Variants in PCDHGA9 observed in about 807,000 individuals in gnomAD.
The protein encoded by PCDHGA9 is protocadherin gamma-A9.
A neutral mutation model predicts 62.5 loss-of-function variants in PCDHGA9; 37 were observed. The ratio of observed to expected loss-of-function variants is 0.59; its 90% CI spans 0.46 to 0.78. The LOEUF (loss-of-function observed/expected upper bound fraction) is 0.78, where lower values mean the gene tolerates loss of function less well. Among genes scored for constraint, PCDHGA9 ranks in the 30% least tolerant of loss-of-function variants. The pLI is 0.00. For missense variants in PCDHGA9, 1,138 were observed against 1,166.2 expected, an observed-to-expected ratio of 0.98 and a Z score of 0.35; for synonymous variants, 459 against 484.6, an observed-to-expected ratio of 0.95 and a Z score of 0.69.
intron 2 of PCDHGA9, among the ~76,000 whole-genome samples, chr5:141,504,579 G>T (rs994771989): frequency 2.0e-5 from 3 of 149,174 alleles, no homozygotes; most frequent in Non-Finnish European, 4.4e-5. Context: ...AACACCATCT[G>T]CCCAGGATTC....
At chr5:141,492,189 G>A (rs2099737936) in intron 1 of PCDHGA9, among the ~76,000 whole-genome samples, 1 of 152,204 alleles carries the variant, frequency 6.6e-6, no homozygotes, top group East Asian at 1.9e-4. Flanking sequence ...GCACCTGTCT[G>A]CGGGACTTAG....
rs201409669 is a variant in PCDHGA9 at position 141,490,703 on chromosome 5, G to A, written c.2425-4104G>A. The stretch of plus-strand genomic sequence containing the variant: ...GATCCAGACACTGGGGATAATGCCC[G>A]CCTCACCTACTCCATTGTAGGAAAT... On this transcript the variant is annotated intron_variant, in intron 1 of 3. Coordinates refer to ENST00000573521, the MANE Select transcript of PCDHGA9 (RefSeq NM_018921.3). This position sits in a 1 kb window ranked among gnomAD's most constrained non-coding sequence, Gnocchi z 5.4. 2.6e-4 allele frequency: 421 copies of A among 1,614,106 alleles called. No homozygotes were observed. Among genetic ancestry groups the A allele is most frequent in the Middle Eastern group, 6.6e-4 (4 of 6,062 alleles).
In PCDHGA9 at chr5:141,403,083, T is replaced by A. The variant is rs775664314; in HGVS notation, c.131T>A (p.Ile44Asn). 2 of 1,613,932 alleles carry A rather than the reference T, an allele frequency of 1.2e-6. No individual in the cohort carries two copies. Among genetic ancestry groups the A allele is most frequent in the East Asian group, 4.5e-5 (2 of 44,884 alleles). Residue 44 changes from isoleucine (I) to asparagine (N), a missense_variant, in exon 1 of 4, where the codon ATT becomes AAT. Ile to Asn is a moderately radical substitution (Grantham distance 149). Coordinates refer to ENST00000573521, the MANE Select transcript of PCDHGA9 (RefSeq NM_018921.3). ...CCTGAAGAGACAGAAAAGGGCTATA[T>A]TGTGGGCAACATCTCCAAGGACCTG... ...SVPEETEKGYIVGNISKDLAL... is the reference protein window; with the variant it reads ...SVPEETEKGYNVGNISKDLAL...
rs775654786 is a variant in PCDHGA9 at position 141,491,718 on chromosome 5, G to A, written c.2425-3089G>A. Reference sequence around the variant, plus strand: ...GGAGCCAGGTGAGGGGCTCGGCGCCGCCCCGGGCGACCCCTGGGGGCGGCA... The same window carrying A: ...GGAGCCAGGTGAGGGGCTCGGCGCCACCCCGGGCGACCCCTGGGGGCGGCA... On this transcript the variant is annotated intron_variant, in intron 1 of 3. Coordinates refer to ENST00000573521, the MANE Select transcript of PCDHGA9 (RefSeq NM_018921.3). This position sits in a 1 kb window ranked among gnomAD's most constrained non-coding sequence, Gnocchi z 6.9. 1 of 1,607,600 alleles carries A rather than the reference G, an allele frequency of 6.2e-7. No homozygotes were observed. The highest frequency in any genetic ancestry group is 2.2e-5 in the East Asian group (1 of 44,690).
Position 141,420,177 on chromosome 5 carries a change from A to G in PCDHGA9, c.2424+14801A>G, listed in dbSNP as rs1188698450. The G allele has an allele frequency of 2.5e-6, 4 of 1,613,992 alleles. No homozygotes were observed. Among genetic ancestry groups the G allele is most frequent in the South Asian group, 2.2e-5 (2 of 91,086 alleles). ...TTTAATTTTTTCACATCTGTTGATC[A>G]TTGTCCAGCCACACAAGATAACCTC... On this transcript the variant is annotated intron_variant, in intron 1 of 3. Coordinates refer to ENST00000573521, the MANE Select transcript of PCDHGA9 (RefSeq NM_018921.3).
intron 1 of PCDHGA9, chr5:141,433,145 G>C (rs2097571427): frequency 6.2e-7 from 1 of 1,613,922 alleles, no homozygotes; most frequent in Non-Finnish European, 8.5e-7. Flanking sequence ...GCTGTCAGGT[G>C]ATTCGGTATT....
In PCDHGA9 at chr5:141,487,406, C is replaced by T; in HGVS notation, c.2425-7401C>T. The T allele has an allele frequency of 6.2e-7, 1 of 1,614,200 alleles. No individual in the cohort carries two copies. The highest frequency in any genetic ancestry group is 8.5e-7 in the Non-Finnish European group (1 of 1,180,044). ...ATCTCGAAGGAGGGAGGGGCTTCCC[C>T]CTTCCAATGGGATCCTCCGAATCCA... On this transcript the variant is annotated intron_variant, in intron 1 of 3. Coordinates refer to ENST00000573521, the MANE Select transcript of PCDHGA9 (RefSeq NM_018921.3). The surrounding 1 kb of genome is among the most constrained non-coding windows in gnomAD (Gnocchi z 5.0).
At position 141,477,166 on chromosome 5, in the gene PCDHGA9, G is replaced by A. The variant is rs753389305; in HGVS notation, c.2425-17641G>A. ...TTGTGGATGTGAATGACAACGCCCC[G>A]GAGATCACAGTCACCTCCGTGTACA... On this transcript the variant is annotated intron_variant, in intron 1 of 3. Transcript: ENST00000573521. This position sits in a 1 kb window ranked among gnomAD's most constrained non-coding sequence, Gnocchi z 4.9. 5.9e-5 allele frequency: 96 copies of A among 1,614,012 alleles called. 1 individual carries two copies. Among genetic ancestry groups the A allele is most frequent in the Non-Finnish European group, 7.9e-5 (93 of 1,180,030 alleles).
intron 1 of PCDHGA9, chr5:141,410,361 G>A: frequency 1.9e-6 from 3 of 1,614,034 alleles, no homozygotes; most frequent in Non-Finnish European, 2.5e-6. Context: ...CGCTCTCTCA[G>A]CCCTGCTACT....
In PCDHGA9 at chr5:141,413,886, C is replaced by T. The variant is rs916273509; in HGVS notation, c.2424+8510C>T. The T allele has an allele frequency of 8.7e-6, 14 of 1,613,202 alleles. No homozygotes were observed. The African/African-American group carries it at 1.7e-4, about 20-fold the overall frequency. On this transcript the variant is annotated intron_variant, in intron 1 of 3. Transcript: ENST00000573521. ...CTGTCCTTGTCAGTGTGACTGTCTT[C>T]GATGCAAATGACAACGCGCCGGTCT...
intron 1 of PCDHGA9, chr5:141,423,601 C>A (rs372165060): frequency 1.9e-6 from 3 of 1,612,704 alleles, no homozygotes; most frequent in Non-Finnish European, 2.5e-6. Flanking sequence ...AAGCGAGCCA[C>A]TCTTGATAGC....
At position 141,476,001 on chromosome 5, in the gene PCDHGA9, C is replaced by A. The variant is rs989369008; in HGVS notation, c.2425-18806C>A. On this transcript the variant is annotated intron_variant, in intron 1 of 3. Coordinates refer to ENST00000573521, the MANE Select transcript of PCDHGA9 (RefSeq NM_018921.3). This position sits in a 1 kb window ranked among gnomAD's most constrained non-coding sequence, Gnocchi z 7.6. ...CAGCCGGCGAGCAAATCAACGGCAT[C>A]CAGAAAGCCATGTCGGACTCGGCGC... The A allele has an allele frequency of 5.7e-5, 70 of 1,235,226 alleles. No homozygotes were observed. In the Middle Eastern group the frequency reaches 8.6e-4, roughly 15 times the overall value. The allele number at this position is 1,235,226 out of a possible 1,614,324, so 76.5% of individuals were successfully genotyped here. A position where few individuals can be genotyped will look rare whatever the true frequency, so the allele number is the denominator to read the frequency against.
chr5:141,505,405 C>T lies in PCDHGA9; in HGVS notation c.2496C>T (p.Gly832=), dbSNP rs745516568. 2.5e-6 allele frequency: 4 copies of T among 1,614,130 alleles called. No individual in the cohort carries two copies. The highest frequency in any genetic ancestry group is 3.3e-4 in the Middle Eastern group (2 of 6,062). ...QRPGTSGSQN[G]DDTGTWPNNQ... ...ACTCTCTCCCCAGCTCCCAAAATGG[C>T]GATGACACCGGCACCTGGCCCAACA... Residue 832 remains glycine (G), a synonymous_variant, in exon 3 of 4, where the codon GGC becomes GGT. Transcript: ENST00000573521.
chr5:141,482,041 T>C (rs1443886481), intron 1 of PCDHGA9, among the ~76,000 whole-genome samples: 2 of 150,190 alleles, frequency 1.3e-5, no homozygotes, highest in Non-Finnish European at 2.9e-5. Context: ...GCCAAGATCA[T>C]GCTGTTGCAT....
At chr5:141,483,745 T>C (rs1288301129) in intron 1 of PCDHGA9, among the ~76,000 whole-genome samples, 1 of 152,130 alleles carries the variant, frequency 6.6e-6, no homozygotes, top group Non-Finnish European at 1.5e-5. Flanking sequence ...AGGATATTCC[T>C]GAGGATCGAG....
In PCDHGA9 at chr5:141,477,605, T is replaced by A. The variant is rs1339408637; in HGVS notation, c.2425-17202T>A. On this transcript the variant is annotated intron_variant, in intron 1 of 3. Transcript: ENST00000573521. This position sits in a 1 kb window ranked among gnomAD's most constrained non-coding sequence, Gnocchi z 4.9. ...GAATGCTCGGCTTTCTTTCTTTCTCTTGGAGCAAGGAGCTGAAACCGGGCT... is the reference window on the plus strand; with the variant it reads ...GAATGCTCGGCTTTCTTTCTTTCTCATGGAGCAAGGAGCTGAAACCGGGCT... The A allele has an allele frequency of 6.2e-6, 10 of 1,614,102 alleles. No individual in the cohort carries two copies. In the South Asian group the frequency reaches 1.1e-4, roughly 18 times the overall value.
chr5:141,446,087 A>G (rs2154561251), intron 1 of PCDHGA9, among the ~76,000 whole-genome samples: 1 of 152,370 alleles, frequency 6.6e-6, no homozygotes, highest in Non-Finnish European at 1.5e-5. Flanking sequence ...GTAGAAATAA[A>G]TGGATGAATT....
At chr5:141,457,719 G>T (rs1437841051) in intron 1 of PCDHGA9, among the ~76,000 whole-genome samples, 1 of 152,226 alleles carries the variant, frequency 6.6e-6, no homozygotes, top group Non-Finnish European at 1.5e-5. Context: ...GTTCCACAAG[G>T]AATTTCAGAT....
At chr5:141,408,019 A>G (rs1589652051) in intron 1 of PCDHGA9, 1 of 1,031,592 alleles carries the variant, frequency 9.7e-7, no homozygotes, top group Admixed American at 3.2e-5. Context: ...GCAGCCAACA[A>G]CAGAAAGAAG....
Sources: gnomAD v4.1 joint callset for allele counts (sites outside exome capture counted in the v4.1 genomes callset) on GRCh38, gnomAD v4.1.1 for gene constraint, Gnocchi (gnomAD v3.1) non-coding constraint, MANE v1.5 for transcripts, NCBI Gene and HGNC (gene_info 2026-07-23, HGNC 2026-07-21) for gene names.